PTGR1: variants seen among roughly 807,000 people sequenced by gnomAD.
The protein encoded by PTGR1 is 15-oxoprostaglandin 13-reductase.
Under a neutral mutation model 37.7 loss-of-function variants are expected in PTGR1, and 23 were observed. The observed-to-expected ratio is 0.61, with a 90% confidence interval of 0.44 to 0.86. PTGR1 has a LOEUF of 0.86. PTGR1 is among the 40% of genes least tolerant of loss of function. PTGR1 has a pLI of 0.00. For missense variants in PTGR1, 351 were observed against 394.3 expected, an observed-to-expected ratio of 0.89 and a Z score of 0.93; for synonymous variants, 134 against 140.0, an observed-to-expected ratio of 0.96 and a Z score of 0.30.
downstream of PTGR1, among the ~76,000 whole-genome samples, chr9:111,559,170 G>A (rs1006907309): frequency 6.6e-6 from 1 of 152,024 alleles, no homozygotes; most frequent in South Asian, 2.1e-4. Context: ...GGATCCAACC[G>A]CCCATACCAG....
intron 5 of PTGR1, among the ~76,000 whole-genome samples, chr9:111,585,765 T>G (rs564955980): frequency 6.6e-6 from 1 of 152,232 alleles, no homozygotes; most frequent in Non-Finnish European, 1.5e-5. Context: ...ATTTTCTTCT[T>G]TTTTAAGGCT....
chr9:111,597,101 C>T (rs1829803797), intron 2 of PTGR1, among the ~76,000 whole-genome samples: 1 of 152,098 alleles, frequency 6.6e-6, no homozygotes, highest in South Asian at 2.1e-4. Context: ...AATCAGCAGA[C>T]ATGTGAGCAA....
chr9:111,557,391 T>C (rs994208807), intron 9 of PTGR1, among the ~76,000 whole-genome samples: 4 of 151,118 alleles, frequency 2.6e-5, no homozygotes, highest in Non-Finnish European at 4.4e-5. Flanking sequence ...AAAAAAAAGA[T>C]GACTTGAACA....
intron 9 of PTGR1, among the ~76,000 whole-genome samples, chr9:111,569,464 G>A (rs919746282): frequency 2.0e-5 from 3 of 152,106 alleles, no homozygotes; most frequent in Non-Finnish European, 4.4e-5. Flanking sequence ...ACTATGTAAG[G>A]GTCCCCTGTG....
chr9:111,560,334 C>T (rs987105411), downstream of PTGR1, among the ~76,000 whole-genome samples: 18 of 151,840 alleles, frequency 1.2e-4, no homozygotes, highest in African/African-American at 3.6e-4. Flanking sequence ...ATTAGCCAGG[C>T]GTGGTGGTGG....
At chr9:111,594,350 G>T in intron 2 of PTGR1, 83 bp from the exon 3 acceptor site, 1 of 1,221,174 alleles carries the variant, frequency 8.2e-7, no homozygotes, top group Non-Finnish European at 1.2e-6. Context: ...TAGACAGGAG[G>T]GGTGAGACAG....
At chr9:111,568,055 A>G (rs1828646171) in intron 9 of PTGR1, among the ~76,000 whole-genome samples, 1 of 152,216 alleles carries the variant, frequency 6.6e-6, no homozygotes, top group African/African-American at 2.4e-5. Flanking sequence ...GTATTTGAAC[A>G]ATATGAAATC....
intron 1 of PTGR1, among the ~76,000 whole-genome samples, chr9:111,598,444 AG>A (rs907882677): frequency 7.9e-5 from 12 of 152,248 alleles, no homozygotes; most frequent in Admixed American, 6.5e-4. Context: ...CGAGGGAGCC[AG>A]GGGGGCGGTC....
intron 9 of PTGR1, among the ~76,000 whole-genome samples, chr9:111,567,347 C>T (rs775045597): frequency 6.6e-6 from 1 of 152,078 alleles, no homozygotes; most frequent in Non-Finnish European, 1.5e-5. Context: ...GCCACCATGC[C>T]CAGCTAATTT....
chr9:111,565,056 G>A (rs1275420994), intron 9 of PTGR1, among the ~76,000 whole-genome samples: 7 of 152,086 alleles, frequency 4.6e-5, no homozygotes, highest in African/African-American at 1.4e-4. Context: ...CCCGGCAGGC[G>A]GAGGTTGCAG....
intron 5 of PTGR1, among the ~76,000 whole-genome samples, chr9:111,585,395 G>C (rs1224489568): frequency 6.6e-6 from 1 of 152,182 alleles, no homozygotes; most frequent in African/African-American, 2.4e-5. Context: ...GATAACGAAG[G>C]AGGAGGAAGA....
chr9:111,591,301 A>C (rs1250279538), intron 4 of PTGR1, among the ~76,000 whole-genome samples: 1 of 151,914 alleles, frequency 6.6e-6, no homozygotes, highest in Non-Finnish European at 1.5e-5. Flanking sequence ...CCGTCTCAAA[A>C]AAAAAATAAT....
At chr9:111,599,379 G>T (rs41279067) in intron 1 of PTGR1, 1 of 152,306 alleles carries the variant, frequency 6.6e-6, no homozygotes, top group African/African-American at 2.4e-5. Context: ...TATTCCCTCC[G>T]GCGCGCGGCT....
In PTGR1 at chr9:111,583,490, C is replaced by G. The variant is rs1459048254; in HGVS notation, c.477G>C (p.Gly159=). 6.2e-7 allele frequency: 1 copy of G among 1,611,818 alleles called. No individual in the cohort carries two copies. Among genetic ancestry groups the G allele is most frequent in the Non-Finnish European group, 8.5e-7 (1 of 1,178,016 alleles). The stretch of plus-strand genomic sequence containing the variant: ...CACTTACCTTGAGCTTTGCAATCTG[C>G]CCCACGACTGAGCCCACAGCTCCAG... ...AAAGAVGSVV[G]QIAKLKGCKV... Residue 159 remains glycine (G), a synonymous_variant, in exon 6 of 10, where the codon GGG becomes GGC. Transcript: ENST00000407693.
At chr9:111,576,068 G>A in intron 7 of PTGR1, among the ~76,000 whole-genome samples, 1 of 152,030 alleles carries the variant, frequency 6.6e-6, no homozygotes, top group East Asian at 1.9e-4. Context: ...GCTGAGGCAG[G>A]AGGTTGGCTT....
chr9:111,565,497 A>T lies in PTGR1; in HGVS notation c.880-2266T>A, dbSNP rs143239301. 1.0e-3 allele frequency among the ~76,000 whole-genome samples: 158 copies of T among 152,238 alleles called. 1 individual carries two copies. Among genetic ancestry groups the T allele is most frequent in the African/African-American group, 3.6e-3 (149 of 41,538 alleles). On this transcript the variant is annotated intron_variant, in intron 9 of 9. Coordinates refer to ENST00000407693, the MANE Select transcript of PTGR1 (RefSeq NM_001146108.2). ...TGGGAGCTCTCTGTACTATCTTCCC[A>T]ATTTTCCTATAAATCTAAAACTTCT...
At chr9:111,555,392 T>G (rs1484995011) in intron 9 of PTGR1, among the ~76,000 whole-genome samples, 1 of 152,190 alleles carries the variant, frequency 6.6e-6, no homozygotes, top group Admixed American at 6.5e-5. Context: ...CTCCTAAATC[T>G]TTCCATATTT....
chr9:111,583,581 G>A lies in PTGR1; in HGVS notation c.386C>T (p.Ala129Val). The change falls in exon 6 of 10, where the codon GCC (alanine) becomes GTC (valine). Residue 129 changes from alanine to valine, a missense_variant. Ala to Val is a moderately conservative substitution (Grantham distance 64). Transcript: ENST00000407693. The stretch of plus-strand genomic sequence containing the variant: ...ACAGATTTCAAGTAGGCCAAAGTAG[G>A]CAGTCAGGCTAAAGGAAGAAAATTA... ...LGTVGMPGLT[A>V]YFGLLEICGV... is the part of the protein sequence containing the mutation. The A allele has an allele frequency of 6.2e-7, 1 of 1,605,474 alleles. No homozygotes were observed. The highest frequency in any genetic ancestry group is 8.5e-7 in the Non-Finnish European group (1 of 1,172,150).
intron 5 of PTGR1, among the ~76,000 whole-genome samples, chr9:111,585,013 C>G (rs879939317): frequency 6.6e-6 from 1 of 151,970 alleles, no homozygotes; most frequent in African/African-American, 2.4e-5. Context: ...TGTTAAGCCA[C>G]TTGCAGAATT....
Sources: gnomAD v4.1 joint callset for allele counts (sites outside exome capture counted in the v4.1 genomes callset) on GRCh38, gnomAD v4.1.1 for gene constraint, MANE v1.5 for transcripts, NCBI Gene and HGNC (gene_info 2026-07-23, HGNC 2026-07-21) for gene names.